TAF7: variants seen among roughly 807,000 people sequenced by gnomAD.
TAF7 encodes transcription initiation factor TFIID subunit 7.
In TAF7, 9 loss-of-function variants were observed where a neutral mutation model predicts 25.3. The ratio of observed to expected loss-of-function variants is 0.36; its 90% CI spans 0.21 to 0.62. The LOEUF is 0.62. TAF7 is among the 20% of genes least tolerant of loss of function. TAF7 has a pLI of 0.72. For missense variants in TAF7, 311 were observed against 410.6 expected, an observed-to-expected ratio of 0.76 and a Z score of 2.10; for synonymous variants, 127 against 146.7, an observed-to-expected ratio of 0.87 and a Z score of 0.97.
Position 141,319,304 on chromosome 5 carries a change from AATG to A in TAF7, c.738_740del (p.Ile247del), listed in dbSNP as rs774574986. 7 of 1,614,006 alleles carry A rather than the reference AATG, an allele frequency of 4.3e-6. No homozygotes were observed. The highest frequency in any genetic ancestry group is 5.9e-6 in the Non-Finnish European group (7 of 1,180,010). On this transcript the variant is annotated inframe_deletion, in exon 1 of 1. Transcript: ENST00000313368. The surrounding 1 kb of genome is among the most constrained non-coding windows in gnomAD (Gnocchi z 5.3). ...GTCTCTCCAGATCTTCCTCCGTGTC[AATG>A]ATGTTTATATCTTCTTCATCTTGAT...
chr5:141,319,456 G>A lies in TAF7; in HGVS notation c.589C>T (p.Leu197=), dbSNP rs759791725. Residue 197 remains leucine, a synonymous_variant, in exon 1 of 1, where the codon CTG becomes TTG. Coordinates refer to ENST00000313368, the MANE Select transcript of TAF7 (RefSeq NM_005642.3). This position sits in a 1 kb window ranked among gnomAD's most constrained non-coding sequence, Gnocchi z 5.3. Reference sequence around the variant, plus strand: ...GACATTCCTGGAGAAGAGATATCCAGGCCTTGATTTTCTGCCTCCTTTGTT... The same window carrying A: ...GACATTCCTGGAGAAGAGATATCCAAGCCTTGATTTTCTGCCTCCTTTGTT... ...DETKEAENQG[L]DISSPGMSGH... is the part of the protein sequence containing the mutation. The A allele has an allele frequency of 1.9e-5, 30 of 1,614,074 alleles. 1 individual carries two copies. The highest frequency in any genetic ancestry group is 2.2e-5 in the Non-Finnish European group (26 of 1,180,024).
In TAF7 at chr5:141,319,140, T is replaced by C. The variant is rs760282276; in HGVS notation, c.905A>G (p.Gln302Arg). ...LQETQDRAKR[Q>R]EDLIMKVENL... ...TTCCACTTTCATGATGAGATCCTCT[T>C]GTCGTTTTGCCCTGTCCTGGGTCTC... is the stretch of plus-strand genomic sequence containing the variant. Residue 302 changes from glutamine to arginine, a missense_variant, in exon 1 of 1, where the codon CAA (glutamine) becomes CGA (arginine). Transcript: ENST00000313368. The surrounding 1 kb of genome is among the most constrained non-coding windows in gnomAD (Gnocchi z 5.3). 1 of 1,614,156 alleles carries C rather than the reference T, an allele frequency of 6.2e-7. No homozygotes were observed. The highest frequency in any genetic ancestry group is 8.5e-7 in the Non-Finnish European group (1 of 1,180,016).
Position 141,319,009 on chromosome 5 carries a change from G to C in TAF7, c.1036C>G (p.Leu346Val), listed in dbSNP as rs1397100103. The stretch of plus-strand genomic sequence containing the variant: ...ATCAGTTCTTTTTACTTCTCTAGGA[G>C]TGATTCTAGCTCCTCTTGCAAAGAG... ...LSSLQEELES[L>V]LEK The change falls in exon 1 of 1, where the codon CTC becomes GTC. Residue 346 changes from leucine (L) to valine (V), a missense_variant. By Grantham distance (32) the Leu-to-Val change is conservative. Coordinates refer to ENST00000313368, the MANE Select transcript of TAF7 (RefSeq NM_005642.3). This position sits in a 1 kb window ranked among gnomAD's most constrained non-coding sequence, Gnocchi z 5.3. 6.2e-7 allele frequency: 1 copy of C among 1,603,720 alleles called. No homozygotes were observed. The highest frequency in any genetic ancestry group is 1.7e-5 in the Admixed American group (1 of 57,160).
Position 141,319,194 on chromosome 5 carries a change from T to C in TAF7, c.851A>G (p.Gln284Arg). The change falls in exon 1 of 1, where the codon CAG becomes CGG. Residue 284 changes from glutamine (Q) to arginine (R), a missense_variant. Physicochemically the swap from Gln to Arg is conservative, Grantham distance 43. This residue lies in a region of TAF7 where 179 missense variants were observed against 206.7 expected (regional missense o/e 0.87). Transcript: ENST00000313368. The surrounding 1 kb of genome is among the most constrained non-coding windows in gnomAD (Gnocchi z 5.3). The stretch of plus-strand genomic sequence containing the variant: ...GAGCTTGCCTTTCATGTTGTCAATC[T>C]GCTTCTGAATTCCCATAACCAGCTG... ...TNQLVMGIQK[Q>R]IDNMKGKLQE... The C allele has an allele frequency of 6.2e-7, 1 of 1,614,170 alleles. No homozygotes were observed. The highest frequency in any genetic ancestry group is 2.2e-5 in the East Asian group (1 of 44,876).
Position 141,320,108 on chromosome 5 carries a change from G to A in TAF7, c.-64C>T, listed in dbSNP as rs899525832. 7.0e-6 allele frequency: 10 copies of A among 1,420,820 alleles called. No homozygotes were observed. The highest frequency in any genetic ancestry group is 2.3e-5 in the East Asian group (1 of 42,852). The allele number at this position is 1,420,820 out of a possible 1,614,324, so 88.0% of individuals were successfully genotyped here. A position where few individuals can be genotyped will look rare whatever the true frequency, so the allele number is the denominator to read the frequency against. On this transcript the variant is annotated 5_prime_UTR_variant, in exon 1 of 1. Transcript: ENST00000313368. ...GTTACACTAAAAAGTTCCAGCTACT[G>A]CAATAGTTTAAAACACCAGTTTGCT...
rs779319226 is a variant in TAF7 at position 141,319,567 on chromosome 5, G to A, written c.478C>T (p.Pro160Ser). Residue 160 changes from proline to serine, a missense_variant, in exon 1 of 1, where the codon CCA becomes TCA. This residue lies in a region of TAF7 where 13 missense variants were observed against 44.6 expected (regional missense o/e 0.29). Coordinates refer to ENST00000313368, the MANE Select transcript of TAF7 (RefSeq NM_005642.3). This position sits in a 1 kb window ranked among gnomAD's most constrained non-coding sequence, Gnocchi z 5.3. ...KTAKKKYIES[P>S]DVEKEVKRLL... ...CGTTTCACTTCTTTTTCAACATCTG[G>A]AGATTCAATATATTTCTTCTTTGCT... The A allele has an allele frequency of 6.2e-7, 1 of 1,613,978 alleles. No homozygotes were observed. The highest frequency in any genetic ancestry group is 1.1e-5 in the South Asian group (1 of 91,068).
chr5:141,320,154 T>C lies in TAF7; in HGVS notation c.-110A>G. 1.0e-6 allele frequency: 1 copy of C among 963,622 alleles called. No individual in the cohort carries two copies. Among genetic ancestry groups the C allele is most frequent in the Non-Finnish European group, 1.5e-6 (1 of 652,630 alleles). 59.7% of individuals were successfully genotyped at this position (963,622 alleles called of 1,614,324 possible). A position where few individuals can be genotyped will look rare whatever the true frequency, so the allele number is the denominator to read the frequency against. On this transcript the variant is annotated 5_prime_UTR_variant, in exon 1 of 1. Transcript: ENST00000313368. ...TTGCTATGAATTGAAATCTTTTAAT[T>C]ACAAGAAGTTCTCTGTAGATCAGCA...
At position 141,318,923 on chromosome 5, in the gene TAF7, A is replaced by T; in HGVS notation, c.*72T>A. 1 of 1,285,876 alleles carries T rather than the reference A, an allele frequency of 7.8e-7. No individual in the cohort carries two copies. The highest frequency in any genetic ancestry group is 1.1e-6 in the Non-Finnish European group (1 of 946,504). The allele number at this position is 1,285,876 out of a possible 1,614,324, so 79.7% of individuals were successfully genotyped here. A position where few individuals can be genotyped will look rare whatever the true frequency, so the allele number is the denominator to read the frequency against. ...GGACTAGGAAGAGCAAGGTCTTAATACCCAGTACAATAAAGCCAAGAATTT... is the reference window on the plus strand; with the variant it reads ...GGACTAGGAAGAGCAAGGTCTTAATTCCCAGTACAATAAAGCCAAGAATTT... On this transcript the variant is annotated 3_prime_UTR_variant, in exon 1 of 1. Coordinates refer to ENST00000313368, the MANE Select transcript of TAF7 (RefSeq NM_005642.3).
Position 141,320,107 on chromosome 5 carries a change from T to C in TAF7, c.-63A>G, listed in dbSNP as rs758522665. On this transcript the variant is annotated 5_prime_UTR_variant, in exon 1 of 1. Transcript: ENST00000313368. Reference sequence around the variant, plus strand: ...GGTTACACTAAAAAGTTCCAGCTACTGCAATAGTTTAAAACACCAGTTTGC... The same window carrying C: ...GGTTACACTAAAAAGTTCCAGCTACCGCAATAGTTTAAAACACCAGTTTGC... 5 of 1,428,108 alleles carry C rather than the reference T, an allele frequency of 3.5e-6. No homozygotes were observed. Among genetic ancestry groups the C allele is most frequent in the African/African-American group, 1.4e-5 (1 of 69,868 alleles). 88.5% of individuals were successfully genotyped at this position (1,428,108 alleles called of 1,614,324 possible).
Position 141,318,969 on chromosome 5 carries a change from A to C in TAF7, c.*26T>G. 6.5e-7 allele frequency: 1 copy of C among 1,542,948 alleles called. No homozygotes were observed. Among genetic ancestry groups the C allele is most frequent in the Non-Finnish European group, 8.7e-7 (1 of 1,146,362 alleles). On this transcript the variant is annotated 3_prime_UTR_variant, in exon 1 of 1. Transcript: ENST00000313368. Reference sequence around the variant, plus strand: ...AATTTTCTAATGCTGACCAGTCTGAAGACTGAAATTAAATATCAGTTCTTT... The same window carrying C: ...AATTTTCTAATGCTGACCAGTCTGACGACTGAAATTAAATATCAGTTCTTT...
At position 141,319,559 on chromosome 5, in the gene TAF7, A is replaced by G; in HGVS notation, c.486T>C (p.Val162=). ...AKKKYIESPD[V]EKEVKRLLST... is the part of the protein sequence containing the mutation. ...TCAGCAATCGTTTCACTTCTTTTTC[A>G]ACATCTGGAGATTCAATATATTTCT... Residue 162 remains valine, a synonymous_variant, in exon 1 of 1, where the codon GTT becomes GTC. Transcript: ENST00000313368. The surrounding 1 kb of genome is among the most constrained non-coding windows in gnomAD (Gnocchi z 5.3). The G allele has an allele frequency of 6.2e-7, 1 of 1,613,956 alleles. No individual in the cohort carries two copies. Among genetic ancestry groups the G allele is most frequent in the Non-Finnish European group, 8.5e-7 (1 of 1,179,978 alleles).
rs1756148340 is a variant in TAF7, at chr5:141,320,717, C to T, written c.-673G>A. 1 of 167,206 alleles carries T rather than the reference C, an allele frequency of 6.0e-6. No homozygotes were observed. The highest frequency in any genetic ancestry group is 2.4e-5 in the African/African-American group (1 of 41,488). The allele number at this position is 167,206 out of a possible 1,614,324, so 10.4% of individuals were successfully genotyped here. A position where few individuals can be genotyped will look rare whatever the true frequency, so the allele number is the denominator to read the frequency against. ...CGCGAAATCTTGCCGAGAGGCGCAG[C>T]TCGCATCACCAGACCCCGCACCTCG... On this transcript the variant is annotated 5_prime_UTR_variant, in exon 1 of 1. Coordinates refer to ENST00000313368, the MANE Select transcript of TAF7 (RefSeq NM_005642.3).
rs780347920 is a variant in TAF7, at chr5:141,319,173, T to C, written c.872A>G (p.Lys291Arg). Residue 291 changes from lysine (K) to arginine (R), a missense_variant, in exon 1 of 1, where the codon AAG (lysine) becomes AGG (arginine). Lys to Arg is a conservative substitution (Grantham distance 26). Coordinates refer to ENST00000313368, the MANE Select transcript of TAF7 (RefSeq NM_005642.3). The surrounding 1 kb of genome is among the most constrained non-coding windows in gnomAD (Gnocchi z 5.3). Reference protein sequence around the residue: ...IQKQIDNMKGKLQETQDRAKR... With the variant: ...IQKQIDNMKGRLQETQDRAKR... ...TGCCCTGTCCTGGGTCTCTTGGAGCTTGCCTTTCATGTTGTCAATCTGCTT... is the reference window on the plus strand; with the variant it reads ...TGCCCTGTCCTGGGTCTCTTGGAGCCTGCCTTTCATGTTGTCAATCTGCTT... 3.7e-6 allele frequency: 6 copies of C among 1,614,164 alleles called. No individual in the cohort carries two copies. The highest frequency in any genetic ancestry group is 5.1e-6 in the Non-Finnish European group (6 of 1,180,030).
Position 141,318,949 on chromosome 5 carries a change from T to C in TAF7, c.*46A>G, listed in dbSNP as rs1415465984. On this transcript the variant is annotated 3_prime_UTR_variant, in exon 1 of 1. Transcript: ENST00000313368. ...CCCAGTACAATAAAGCCAAGAATTT[T>C]CTAATGCTGACCAGTCTGAAGACTG... The C allele has an allele frequency of 2.7e-6, 4 of 1,490,636 alleles. 1 individual carries two copies. In the South Asian group the frequency reaches 5.5e-5, roughly 20 times the overall value. The allele number at this position is 1,490,636 out of a possible 1,614,324, so 92.3% of individuals were successfully genotyped here. A position where few individuals can be genotyped will look rare whatever the true frequency, so the allele number is the denominator to read the frequency against.
In TAF7 at chr5:141,320,112, T is replaced by C. The variant is rs17602721; in HGVS notation, c.-68A>G. 76,002 of 1,388,844 alleles carry C rather than the reference T, an allele frequency of 0.055. 2,441 individuals are homozygous for C. Among genetic ancestry groups the C allele is most frequent in the Admixed American group, 0.11 (4,712 of 44,232 alleles). 86.0% of individuals were successfully genotyped at this position (1,388,844 alleles called of 1,614,324 possible). On this transcript the variant is annotated 5_prime_UTR_variant, in exon 1 of 1. Transcript: ENST00000313368. ...CACTAAAAAGTTCCAGCTACTGCAA[T>C]AGTTTAAAACACCAGTTTGCTATGA...
Position 141,319,450 on chromosome 5 carries a change from T to C in TAF7, c.595A>G (p.Ile199Val), listed in dbSNP as rs1227344577. 1.9e-6 allele frequency: 3 copies of C among 1,614,132 alleles called. No individual in the cohort carries two copies. Among genetic ancestry groups the C allele is most frequent in the African/African-American group, 1.3e-5 (1 of 74,942 alleles). ...TKEAENQGLDISSPGMSGHRQ... is the reference protein window; with the variant it reads ...TKEAENQGLDVSSPGMSGHRQ... ...TGACCAGACATTCCTGGAGAAGAGATATCCAGGCCTTGATTTTCTGCCTCC... is the reference window on the plus strand; with the variant it reads ...TGACCAGACATTCCTGGAGAAGAGACATCCAGGCCTTGATTTTCTGCCTCC... The change falls in exon 1 of 1, where the codon ATC becomes GTC. Residue 199 changes from isoleucine to valine, a missense_variant. Coordinates refer to ENST00000313368, the MANE Select transcript of TAF7 (RefSeq NM_005642.3). This position sits in a 1 kb window ranked among gnomAD's most constrained non-coding sequence, Gnocchi z 5.3.
chr5:141,319,438 C>G lies in TAF7; in HGVS notation c.607G>C (p.Gly203Arg), dbSNP rs774032064. The G allele has an allele frequency of 2.8e-5, 46 of 1,614,064 alleles. No homozygotes were observed. Among genetic ancestry groups the G allele is most frequent in the Non-Finnish European group, 3.4e-5 (40 of 1,180,044 alleles). ...ENQGLDISSP[G>R]MSGHRQGHDS... ...TGGCCCTGCCTGTGACCAGACATTC[C>G]TGGAGAAGAGATATCCAGGCCTTGA... is the stretch of plus-strand genomic sequence containing the variant. Residue 203 changes from glycine (G) to arginine (R), a missense_variant, in exon 1 of 1, where the codon GGA (glycine) becomes CGA (arginine). Coordinates refer to ENST00000313368, the MANE Select transcript of TAF7 (RefSeq NM_005642.3). The surrounding 1 kb of genome is among the most constrained non-coding windows in gnomAD (Gnocchi z 5.3).
Position 141,320,779 on chromosome 5 carries a change from G to A in TAF7, c.-735C>T, listed in dbSNP as rs923339643. ...TCCGGGTCGCCTACCCAGCAAAAACGGAAGTGCTACGTCGCGACGCGGGGC... is the reference window on the plus strand; with the variant it reads ...TCCGGGTCGCCTACCCAGCAAAAACAGAAGTGCTACGTCGCGACGCGGGGC... On this transcript the variant is annotated 5_prime_UTR_variant, in exon 1 of 1. Transcript: ENST00000313368. The A allele has an allele frequency of 1.2e-4, 20 of 167,160 alleles. No homozygotes were observed. The highest frequency in any genetic ancestry group is 3.9e-4 in the Admixed American group (6 of 15,296). The allele number at this position is 167,160 out of a possible 1,614,324, so 10.4% of individuals were successfully genotyped here.
Position 141,319,327 on chromosome 5 carries a change from C to T in TAF7, c.718G>A (p.Asp240Asn), listed in dbSNP as rs752777886. ...TCAATGATGTTTATATCTTCTTCAT[C>T]TTGATGCTGGGTCTCATCTTCATCC... ...SEDEDETQHQ[D>N]EEDINIIDTE... Residue 240 changes from aspartate (D) to asparagine (N), a missense_variant, in exon 1 of 1, where the codon GAT becomes AAT. Transcript: ENST00000313368. This position sits in a 1 kb window ranked among gnomAD's most constrained non-coding sequence, Gnocchi z 5.3. 15 of 1,613,948 alleles carry T rather than the reference C, an allele frequency of 9.3e-6. No homozygotes were observed. The African/African-American group carries it at 1.7e-4, about 19-fold the overall frequency.
Sources: gnomAD v4.1 joint callset for allele counts on GRCh38, gnomAD v4.1.1 for gene constraint, gnomAD v4.1.1 regional missense constraint, Gnocchi (gnomAD v3.1) non-coding constraint, MANE v1.5 for transcripts, NCBI Gene and HGNC (gene_info 2026-07-23, HGNC 2026-07-21) for gene names.